SBSPON: variants seen among roughly 807,000 people sequenced by gnomAD.
The protein encoded by SBSPON is somatomedin B and thrombospondin type 1 domain containing.
Under a neutral mutation model 35.8 loss-of-function variants are expected in SBSPON, and 30 were observed. That is an observed-to-expected ratio of 0.84 (90% confidence interval 0.63 to 1.14). SBSPON has a LOEUF of 1.14. SBSPON is among the 50% of genes most tolerant of loss of function. The pLI, the probability that SBSPON is intolerant of heterozygous loss-of-function variation, is 0.00. For missense variants in SBSPON, 364 were observed against 357.7 expected, an observed-to-expected ratio of 1.02 and a Z score of -0.14; for synonymous variants, 136 against 135.9, an observed-to-expected ratio of 1.00 and a Z score of 0.00.
At chr8:73,092,162 C>T (rs1273850224) in intron 1 of SBSPON, among the ~76,000 whole-genome samples, 6 of 152,126 alleles carry the variant, frequency 3.9e-5, no homozygotes, top group Non-Finnish European at 5.9e-5. Flanking sequence ...AAAAGACTGA[C>T]CCTAAAGGAA....
rs1810368288 is a variant in SBSPON at position 73,065,413 on chromosome 8, TA to T, written c.*1927del. ...TCTGACTGGTCCAGAAAATTTGGGTTATTTTCTAGTCAAACAAATATAGAGC... is the reference window on the plus strand; with the variant it reads ...TCTGACTGGTCCAGAAAATTTGGGTTTTTTCTAGTCAAACAAATATAGAGC... On this transcript the variant is annotated 3_prime_UTR_variant, in exon 5 of 5. Coordinates refer to ENST00000297354, the MANE Select transcript of SBSPON (RefSeq NM_153225.4). 6.6e-6 allele frequency: 1 copy of T among 152,154 alleles called. No homozygotes were observed. The highest frequency in any genetic ancestry group is 2.1e-4 in the South Asian group (1 of 4,832). The allele number at this position is 152,154 out of a possible 1,614,324, so 9.4% of individuals were successfully genotyped here. A position where few individuals can be genotyped will look rare whatever the true frequency, so the allele number is the denominator to read the frequency against.
At position 73,071,682 on chromosome 8, in the gene SBSPON, G is replaced by A. The variant is rs534545580; in HGVS notation, c.500+98C>T. 127 of 699,230 alleles carry A rather than the reference G, an allele frequency of 1.8e-4. No homozygotes were observed. The African/African-American group carries it at 2.2e-3, about 12-fold the overall frequency. 43.3% of individuals were successfully genotyped at this position (699,230 alleles called of 1,614,324 possible). A position where few individuals can be genotyped will look rare whatever the true frequency, so the allele number is the denominator to read the frequency against. ...TTTAGCCAAAGTCAAAGAGCAAGTA[G>A]AAAGAAGAAGAAAACATAAACCAAG... is the stretch of plus-strand genomic sequence containing the variant. On this transcript the variant is annotated intron_variant, in intron 3 of 4. Transcript: ENST00000297354.
rs1810460687 is a variant in SBSPON at position 73,069,913 on chromosome 8, C to T, written c.569G>A (p.Arg190Lys). 4 of 1,612,842 alleles carry T rather than the reference C, an allele frequency of 2.5e-6. 1 individual carries two copies. The highest frequency in any genetic ancestry group is 1.3e-5 in the African/African-American group (1 of 75,038). ...HCALENWPLTRWMQYLREGYT... is the reference protein window; with the variant it reads ...HCALENWPLTKWMQYLREGYT... ...TCCCTCTCGGAGATACTGCATCCAT[C>T]TAGTCAAGGGCCAGTTTTCCAGAGC... The change falls in exon 4 of 5, where the codon AGA becomes AAA. Residue 190 changes from arginine (R) to lysine (K), a missense_variant. Arg to Lys is a conservative substitution (Grantham distance 26). Coordinates refer to ENST00000297354, the MANE Select transcript of SBSPON (RefSeq NM_153225.4).
intron 2 of SBSPON, chr8:73,075,778 CAAAT>C (rs1702499725): frequency 1.0e-6 from 1 of 959,644 alleles, no homozygotes; most frequent in African/African-American, 1.8e-5. Flanking sequence ...GAAAAATTGA[CAAAT>C]AATATCTACC....
At chr8:73,091,947 T>A (rs1489103631) in intron 1 of SBSPON, among the ~76,000 whole-genome samples, 2 of 152,144 alleles carry the variant, frequency 1.3e-5, no homozygotes, top group African/African-American at 4.8e-5. Flanking sequence ...GCTCGAACCC[T>A]AATATCTGTG....
At chr8:73,075,887 G>C in intron 2 of SBSPON, 1 of 220,470 alleles carries the variant, frequency 4.5e-6, no homozygotes, top group Non-Finnish European at 7.7e-6. Context: ...AACACATTCA[G>C]TAATGTGGCT....
chr8:73,069,268 A>T (rs1207288344), intron 4 of SBSPON, among the ~76,000 whole-genome samples: 1 of 151,876 alleles, frequency 6.6e-6, no homozygotes, highest in Admixed American at 6.6e-5. Flanking sequence ...TGGGAATGTG[A>T]TCTAAACTCC....
chr8:73,075,344 G>A (rs573664574), intron 2 of SBSPON, among the ~76,000 whole-genome samples: 145 of 152,292 alleles, frequency 9.5e-4, no homozygotes, highest in Admixed American at 2.4e-3. Context: ...GGAGGTCCCA[G>A]AACCAGCATC....
At chr8:73,086,281 C>T (rs957810410) in intron 1 of SBSPON, among the ~76,000 whole-genome samples, 1 of 152,024 alleles carries the variant, frequency 6.6e-6, no homozygotes, top group Admixed American at 6.6e-5. Flanking sequence ...ATGCTTCAGC[C>T]TCCCGAGTAG....
At position 73,073,937 on chromosome 8, in the gene SBSPON, G is replaced by A. The variant is rs538438654; in HGVS notation, c.410-2067C>T. ...ATTGTTTTCTAAATGTGACTGTAGCGTTTGCATTTCTAAGATCTACAGACA... is the reference window on the plus strand; with the variant it reads ...ATTGTTTTCTAAATGTGACTGTAGCATTTGCATTTCTAAGATCTACAGACA... On this transcript the variant is annotated intron_variant, in intron 2 of 4. Transcript: ENST00000297354. 1.3e-4 allele frequency among the ~76,000 whole-genome samples: 20 copies of A among 152,172 alleles called. No homozygotes were observed. The Middle Eastern group carries it at 0.017, about 130-fold the overall frequency.
intron 2 of SBSPON, among the ~76,000 whole-genome samples, chr8:73,077,893 A>G (rs1261430292): frequency 2.6e-5 from 4 of 152,256 alleles, no homozygotes; most frequent in Non-Finnish European, 5.9e-5. Context: ...ATGCAGATCC[A>G]CATAATAAAG....
At chr8:73,078,434 G>A (rs1005434205) in intron 2 of SBSPON, among the ~76,000 whole-genome samples, 10 of 152,170 alleles carry the variant, frequency 6.6e-5, no homozygotes, top group African/African-American at 2.2e-4. Context: ...ATGATAGTAG[G>A]GAAGGAGGCT....
intron 3 of SBSPON, 143 bp from the exon 4 acceptor site, chr8:73,070,124 A>G (rs1810467484): frequency 9.2e-6 from 5 of 545,216 alleles, no homozygotes; most frequent in South Asian, 8.1e-5. Flanking sequence ...TTACGTGTCA[A>G]TCACCTTTAA....
intron 2 of SBSPON, 99 bp downstream of exon 2, chr8:73,080,920 C>T: frequency 1.9e-6 from 2 of 1,058,234 alleles, no homozygotes; most frequent in East Asian, 2.7e-5. Context: ...CCCTGTGGTG[C>T]ATGGAACCTT....
intron 4 of SBSPON, among the ~76,000 whole-genome samples, chr8:73,068,765 C>T (rs1333003223): frequency 1.3e-5 from 2 of 152,148 alleles, no homozygotes; most frequent in Admixed American, 6.5e-5. Context: ...TATGAATTAC[C>T]TGGGCAGGGG....
chr8:73,081,148 T>C lies in SBSPON; in HGVS notation c.280A>G (p.Thr94Ala), dbSNP rs772598399. 77 of 1,613,080 alleles carry C rather than the reference T, an allele frequency of 4.8e-5. No individual in the cohort carries two copies. The South Asian group carries it at 8.4e-4, about 18-fold the overall frequency. The stretch of plus-strand genomic sequence containing the variant: ...TGCACCGAGCGCCTCCGCACACGGG[T>C]TGTAGGCTTGCACTGGTCTGCACAA... ...SGCADQCKPTTRVRRRSVQQE... is the reference protein window; with the variant it reads ...SGCADQCKPTARVRRRSVQQE... Residue 94 changes from threonine to alanine, a missense_variant, in exon 2 of 5, where the codon ACC (threonine) becomes GCC (alanine). Physicochemically the swap from Thr to Ala is moderately conservative, Grantham distance 58. Coordinates refer to ENST00000297354, the MANE Select transcript of SBSPON (RefSeq NM_153225.4).
intron 4 of SBSPON, 109 bp from the exon 5 acceptor site, chr8:73,067,567 A>G: frequency 2.0e-6 from 1 of 498,488 alleles, no homozygotes; most frequent in South Asian, 1.9e-5. Context: ...AGCCTGAGCA[A>G]TATAGTGAAA....
rs116996163 is a variant in SBSPON at position 73,078,977 on chromosome 8, C to A, written c.409+2042G>T. Among the ~76,000 whole-genome samples the A allele has an allele frequency of 2.0e-3, 309 of 152,276 alleles. 1 individual carries two copies. The highest frequency in any genetic ancestry group is 3.5e-3 in the Non-Finnish European group (237 of 68,020). On this transcript the variant is annotated intron_variant, in intron 2 of 4. Coordinates refer to ENST00000297354, the MANE Select transcript of SBSPON (RefSeq NM_153225.4). ...CCGACCTTCCTTTGCCAATCGCATG[C>A]AGGCCTTGTGCTCCCCCATGTTACA...
rs1339419989 is a variant in SBSPON, at chr8:73,067,149, A to G, written c.*192T>C. The G allele has an allele frequency of 1.9e-5, 9 of 473,950 alleles. No individual in the cohort carries two copies. The highest frequency in any genetic ancestry group is 6.0e-4 in the Middle Eastern group (1 of 1,678). The allele number at this position is 473,950 out of a possible 1,614,324, so 29.4% of individuals were successfully genotyped here. On this transcript the variant is annotated 3_prime_UTR_variant, in exon 5 of 5. Coordinates refer to ENST00000297354, the MANE Select transcript of SBSPON (RefSeq NM_153225.4). ...CAAGAGCTTTTTGAGTGGGTCTTCA[A>G]CTTAGTTAAAATAAAAATAAAGGAC...
Sources: gnomAD v4.1 joint callset for allele counts (sites outside exome capture counted in the v4.1 genomes callset) on GRCh38, gnomAD v4.1.1 for gene constraint, MANE v1.5 for transcripts, NCBI Gene and HGNC (gene_info 2026-07-23, HGNC 2026-07-21) for gene names.